Variants in IL1RAPL1 observed in about 807,000 individuals in gnomAD.
IL1RAPL1 encodes interleukin 1 receptor accessory protein like 1, also known as interleukin-1 receptor accessory protein-like 1.
A neutral mutation model predicts 48.4 loss-of-function variants in IL1RAPL1; 3 were observed. The observed-to-expected ratio is 0.06, with a 90% confidence interval of 0.03 to 0.16. The LOEUF (loss-of-function observed/expected upper bound fraction) is 0.16, where lower values mean the gene tolerates loss of function less well. Ranked by LOEUF, IL1RAPL1 falls within the 10% of genes least tolerant of loss-of-function variation. The pLI is 1.00. For synonymous variants in IL1RAPL1, 185 were observed against 187.7 expected (o/e 0.99, Z 0.12); for missense variants, 349 against 530.6 (o/e 0.66, Z 3.36).
intron 6 of IL1RAPL1, among the ~76,000 whole-genome samples, chrX:29,916,249 A>C (rs948356780): frequency 3.7e-5 from 4 of 109,168 alleles, no homozygotes; most frequent in East Asian, 2.9e-4. Flanking sequence ...ATTTATAGTC[A>C]TTTGGGTATA....
chrX:29,871,948 C>G (rs1489008660), intron 6 of IL1RAPL1, among the ~76,000 whole-genome samples: 1 of 111,201 alleles, frequency 9.0e-6, no homozygotes, highest in Non-Finnish European at 1.9e-5. Flanking sequence ...GACTTGAACT[C>G]CTGACCTTGT....
At chrX:28,625,760 GTGTGTGTGTT>G (rs1934334725) in intron 1 of IL1RAPL1, among the ~76,000 whole-genome samples, 1 of 110,864 alleles carries the variant, frequency 9.0e-6, no homozygotes, top group South Asian at 3.8e-4. Context: ...GTGTGTGTGT[GTGTGTGTGTT>G]TTACCAAGAA....
chrX:29,910,440 CTG>C (rs1427255561), intron 6 of IL1RAPL1, among the ~76,000 whole-genome samples: 1 of 110,732 alleles, frequency 9.0e-6, no homozygotes, highest in African/African-American at 3.3e-5. Context: ...GGAGATGATA[CTG>C]TGAGTCCCAT....
chrX:29,342,164 TTTTG>T (rs975879806), intron 3 of IL1RAPL1, among the ~76,000 whole-genome samples: 20 of 108,592 alleles, frequency 1.8e-4, no homozygotes, highest in African/African-American at 2.7e-4. Context: ...GTTTGTTTTG[TTTTG>T]TTTGTTTGTT....
intron 2 of IL1RAPL1, among the ~76,000 whole-genome samples, chrX:29,059,244 G>C (rs2147431800): frequency 9.0e-6 from 1 of 111,454 alleles, no homozygotes; most frequent in African/African-American, 3.3e-5. Context: ...GTTAGACTAT[G>C]GAAAGCCAGA....
chrX:29,612,299 A>G (rs1924121396), intron 5 of IL1RAPL1, among the ~76,000 whole-genome samples: 1 of 110,702 alleles, frequency 9.0e-6, no homozygotes, highest in Non-Finnish European at 1.9e-5. Flanking sequence ...CAGCCCCAGT[A>G]TTCTCTCCCC....
chrX:28,892,991 G>T (rs1922813368), intron 2 of IL1RAPL1, among the ~76,000 whole-genome samples: 1 of 111,352 alleles, frequency 9.0e-6, no homozygotes, highest in Non-Finnish European at 1.9e-5. Flanking sequence ...AGTTAAGAGT[G>T]GCGGTTTGGG....
intron 2 of IL1RAPL1, among the ~76,000 whole-genome samples, chrX:28,830,150 A>G (rs1921010352): frequency 9.0e-6 from 1 of 111,613 alleles, no homozygotes; most frequent in Non-Finnish European, 1.9e-5. Context: ...TACTGGCCTC[A>G]TGGAATGAGG....
chrX:29,221,620 T>TACACACACAC (rs35088625), intron 2 of IL1RAPL1, among the ~76,000 whole-genome samples: 58 of 79,476 alleles, frequency 7.3e-4, no homozygotes, highest in East Asian at 1.2e-3. Flanking sequence ...TACACACACA[T>TACACACACAC]ACACACACAC....
chrX:29,214,806 T>C (rs1353053461), intron 2 of IL1RAPL1, among the ~76,000 whole-genome samples: 1 of 112,122 alleles, frequency 8.9e-6, no homozygotes, highest in African/African-American at 3.2e-5. Context: ...TTTCCATTCA[T>C]TGTGAATAAC....
At chrX:29,115,229 C>A (rs1928655017) in intron 2 of IL1RAPL1, among the ~76,000 whole-genome samples, 1 of 111,769 alleles carries the variant, frequency 8.9e-6, no homozygotes, top group African/African-American at 3.3e-5. Context: ...TGACAGCTTT[C>A]TGCAACTGTT....
At chrX:29,215,519 A>G (rs752546924) in intron 2 of IL1RAPL1, among the ~76,000 whole-genome samples, 109 of 111,359 alleles carry the variant, frequency 9.8e-4, no homozygotes, top group African/African-American at 2.6e-3. Flanking sequence ...GATCATGGAT[A>G]TAACTTGTTT....
At chrX:29,366,236 G>A (rs1396762415) in intron 3 of IL1RAPL1, among the ~76,000 whole-genome samples, 6 of 110,788 alleles carry the variant, frequency 5.4e-5, no homozygotes, top group Admixed American at 9.7e-5. Context: ...TAAGAAGAAA[G>A]TCTGAGAATT....
chrX:29,638,677 T>C (rs1925056363), intron 5 of IL1RAPL1, among the ~76,000 whole-genome samples: 1 of 112,077 alleles, frequency 8.9e-6, no homozygotes, highest in South Asian at 3.7e-4. Flanking sequence ...ATATGTGAAT[T>C]CATTTGGCTC....
intron 2 of IL1RAPL1, among the ~76,000 whole-genome samples, chrX:29,188,587 T>A (rs1471689312): frequency 1.0e-5 from 1 of 96,444 alleles, no homozygotes; most frequent in Non-Finnish European, 2.1e-5. Flanking sequence ...AACATACACT[T>A]TTTTTTTTTT....
At chrX:29,865,630 T>C (rs12832256) in intron 6 of IL1RAPL1, among the ~76,000 whole-genome samples, 3 of 103,027 alleles carry the variant, frequency 2.9e-5, no homozygotes, top group Admixed American at 1.0e-4. Context: ...TTTTTTCTTT[T>C]CTTTTCTTTT....
At chrX:28,867,715 T>G (rs892976493) in intron 2 of IL1RAPL1, among the ~76,000 whole-genome samples, 3 of 111,753 alleles carry the variant, frequency 2.7e-5, no homozygotes, top group Admixed American at 1.9e-4. Flanking sequence ...ACATGGCATA[T>G]AGGGAGAATT....
At chrX:28,792,848 T>TAA (rs1936566705) in intron 2 of IL1RAPL1, among the ~76,000 whole-genome samples, 1 of 57,019 alleles carries the variant, frequency 1.8e-5, no homozygotes, top group African/African-American at 1.0e-4. Flanking sequence ...TATATATATA[T>TAA]ATAAAAAATA....
chrX:28,924,267 T>G (rs1359344920), intron 2 of IL1RAPL1: 2 of 112,493 alleles, frequency 1.8e-5, no homozygotes, highest in Non-Finnish European at 3.8e-5. Context: ...CTGTGGTTTA[T>G]CATCTGGTTT....
Sources: gnomAD v4.1 joint callset for allele counts (sites outside exome capture counted in the v4.1 genomes callset) on GRCh38, gnomAD v4.1.1 for gene constraint, MANE v1.5 for transcripts, NCBI Gene and HGNC (gene_info 2026-07-23, HGNC 2026-07-21) for gene names.